The following TDRD3 variants were observed in gnomAD, a reference collection of about 807,000 sequenced individuals.
TDRD3 encodes tudor domain containing 3, also known as tudor domain-containing protein 3.
Under a neutral mutation model 86.7 loss-of-function variants are expected in TDRD3, and 45 were observed. The observed-to-expected ratio is 0.52, with a 90% CI of 0.41 to 0.67. TDRD3 has a LOEUF of 0.67. Ranked by LOEUF, TDRD3 falls within the 30% of genes least tolerant of loss-of-function variation. The pLI, the probability that TDRD3 is intolerant of heterozygous loss-of-function variation, is 0.00. For synonymous variants in TDRD3, 298 were observed against 301.7 expected (o/e 0.99, Z 0.13); for missense variants, 814 against 889.0 (o/e 0.92, Z 1.07).
intron 12 of TDRD3, among the ~76,000 whole-genome samples, chr13:60,561,613 T>C (rs1368133830): frequency 1.3e-5 from 2 of 152,192 alleles, no homozygotes; most frequent in Non-Finnish European, 2.9e-5. Flanking sequence ...TAAAAAAATA[T>C]AAATCTGCTC....
At chr13:60,401,156 G>GAATTCT (rs1468083610) in intron 1 of TDRD3, among the ~76,000 whole-genome samples, 52 of 151,986 alleles carry the variant, frequency 3.4e-4, no homozygotes, top group African/African-American at 1.2e-3. Flanking sequence ...TATTTTTTAA[G>GAATTCT]GTTTAAGAAT....
At chr13:60,508,900 C>A (rs1333300357) in intron 8 of TDRD3, among the ~76,000 whole-genome samples, 3 of 152,034 alleles carry the variant, frequency 2.0e-5, no homozygotes, top group Admixed American at 6.6e-5. Flanking sequence ...GAAAATTTAG[C>A]CCATTCACAA....
intron 8 of TDRD3, among the ~76,000 whole-genome samples, chr13:60,496,383 A>AT (rs1956720704): frequency 7.2e-6 from 1 of 139,156 alleles, no homozygotes; most frequent in African/African-American, 2.6e-5. Flanking sequence ...CCTAATACAG[A>AT]TTTTGGTACC....
chr13:60,417,165 C>T (rs2137852616), intron 1 of TDRD3, among the ~76,000 whole-genome samples: 1 of 151,512 alleles, frequency 6.6e-6, no homozygotes, highest in South Asian at 2.1e-4. Context: ...TACAGGCACA[C>T]ACCACCCCAC....
chr13:60,533,412 G>A (rs1377909070), intron 11 of TDRD3, among the ~76,000 whole-genome samples: 1 of 152,074 alleles, frequency 6.6e-6, no homozygotes, highest in Non-Finnish European at 1.5e-5. Flanking sequence ...AGGCAGAGGC[G>A]GGCAGATCAC....
chr13:60,451,038 T>C (rs797005566), intron 3 of TDRD3, among the ~76,000 whole-genome samples: 14 of 152,160 alleles, frequency 9.2e-5, no homozygotes, highest in African/African-American at 3.1e-4. Context: ...TAGTGGAAAC[T>C]AAAGAATAAA....
chr13:60,436,951 T>C (rs1164671113), intron 1 of TDRD3, among the ~76,000 whole-genome samples: 2 of 152,128 alleles, frequency 1.3e-5, no homozygotes, highest in Admixed American at 1.3e-4. Flanking sequence ...TTTATACCTG[T>C]TCTTGTTTAA....
At chr13:60,451,487 A>G (rs1374155555) in intron 3 of TDRD3, among the ~76,000 whole-genome samples, 1 of 152,032 alleles carries the variant, frequency 6.6e-6, no homozygotes, top group East Asian at 1.9e-4. Flanking sequence ...GAGTGCAATA[A>G]CCTCCAGTTG....
intron 10 of TDRD3, among the ~76,000 whole-genome samples, chr13:60,518,859 C>G (rs1015323898): frequency 6.6e-6 from 1 of 152,070 alleles, no homozygotes; most frequent in Admixed American, 6.5e-5. Context: ...GTGTAGGTTC[C>G]TTTTAGCCCA....
At chr13:60,542,735 G>T (rs1375162180) in intron 12 of TDRD3, among the ~76,000 whole-genome samples, 3 of 151,980 alleles carry the variant, frequency 2.0e-5, no homozygotes, top group East Asian at 3.9e-4. Flanking sequence ...TTTCTCTTTA[G>T]TCTTACTTTT....
chr13:60,510,793 C>A, intron 10 of TDRD3, 38 bp downstream of exon 10: 28 of 1,331,396 alleles, frequency 2.1e-5, no homozygotes, highest in Non-Finnish European at 2.4e-5. Context: ...TTTTTTCTTT[C>A]TTTTCTTTCT....
At chr13:60,437,183 A>G (rs1373615398) in intron 1 of TDRD3, among the ~76,000 whole-genome samples, 1 of 140,310 alleles carries the variant, frequency 7.1e-6, no homozygotes, top group South Asian at 2.3e-4. Flanking sequence ...CTGGAGTGCA[A>G]TGGCATGATC....
At chr13:60,498,890 G>A (rs1381796177) in intron 8 of TDRD3, among the ~76,000 whole-genome samples, 1 of 152,250 alleles carries the variant, frequency 6.6e-6, no homozygotes, top group African/African-American at 2.4e-5. Flanking sequence ...GCTTATGGAG[G>A]TCAGGAAATT....
chr13:60,488,120 G>A (rs1956490026), intron 7 of TDRD3, among the ~76,000 whole-genome samples: 1 of 152,120 alleles, frequency 6.6e-6, no homozygotes. Context: ...CTTTATTTGG[G>A]TGCTACAGCT....
At chr13:60,505,412 A>C (rs1956915368) in intron 8 of TDRD3, among the ~76,000 whole-genome samples, 1 of 152,162 alleles carries the variant, frequency 6.6e-6, no homozygotes. Flanking sequence ...TGGGGAGGGC[A>C]TTTGTCAAAG....
intron 7 of TDRD3, among the ~76,000 whole-genome samples, chr13:60,493,068 G>C (rs182589976): frequency 6.6e-5 from 10 of 151,270 alleles, no homozygotes; most frequent in African/African-American, 1.9e-4. Context: ...ACAGGCGCCC[G>C]CCAACATGCC....
intron 8 of TDRD3, among the ~76,000 whole-genome samples, chr13:60,508,064 A>C (rs1232907057): frequency 6.6e-6 from 1 of 152,214 alleles, no homozygotes; most frequent in African/African-American, 2.4e-5. Flanking sequence ...CTTACAAGGG[A>C]TGTGAAGGAC....
intron 1 of TDRD3, among the ~76,000 whole-genome samples, chr13:60,432,205 A>T (rs1954971307): frequency 6.6e-6 from 1 of 152,080 alleles, no homozygotes; most frequent in South Asian, 2.1e-4. Flanking sequence ...TATGCTTAAT[A>T]GAGCTTTTGC....
At chr13:60,572,254 A>G (rs1016556986) in intron 13 of TDRD3, among the ~76,000 whole-genome samples, 2 of 152,208 alleles carry the variant, frequency 1.3e-5, no homozygotes, top group African/African-American at 2.4e-5. Context: ...AGTGGCTACA[A>G]TAGAGAATAT....
Sources: gnomAD v4.1 joint callset for allele counts (sites outside exome capture counted in the v4.1 genomes callset) on GRCh38, gnomAD v4.1.1 for gene constraint, MANE v1.5 for transcripts, NCBI Gene and HGNC (gene_info 2026-07-23, HGNC 2026-07-21) for gene names.